MCTP2: variants seen among roughly 807,000 people sequenced by gnomAD.
MCTP2 encodes the protein multiple C2 and transmembrane domain-containing protein 2.
In MCTP2, 132 loss-of-function variants were observed where a neutral mutation model predicts 111.6. The observed-to-expected ratio is 1.18, with a 90% CI of 1.03 to 1.37. MCTP2 has a LOEUF of 1.37. Ranked by LOEUF, MCTP2 falls within the 40% of genes most tolerant of loss-of-function variation. The probability of loss-of-function intolerance (pLI) is 0.00; values close to 1 mark genes in which losing one functional copy is unlikely to be tolerated. For missense variants in MCTP2, 1,183 were observed against 1,067.9 expected, an observed-to-expected ratio of 1.11 and a Z score of -1.50; for synonymous variants, 395 against 387.7, an observed-to-expected ratio of 1.02 and a Z score of -0.22.
intron 12 of MCTP2, among the ~76,000 whole-genome samples, chr15:94,370,694 A>C (rs974709847): frequency 2.6e-5 from 4 of 152,116 alleles, no homozygotes; most frequent in Non-Finnish European, 5.9e-5. Context: ...CTGTAACTTG[A>C]ACTTTTAGAA....
intron 10 of MCTP2, among the ~76,000 whole-genome samples, chr15:94,361,293 C>T (rs62016129): frequency 0.22 from 33,459 of 151,686 alleles, 4,041 homozygotes; most frequent in East Asian, 0.31. Flanking sequence ...CATAATTGAA[C>T]ATTACAGTTA....
intron 1 of MCTP2, among the ~76,000 whole-genome samples, chr15:94,245,227 CAT>C (rs1229631302): frequency 1.6e-4 from 22 of 137,272 alleles, no homozygotes; most frequent in Non-Finnish European, 3.0e-4. Context: ...TGTATATATA[CAT>C]ATGTATGTAT....
intron 4 of MCTP2, among the ~76,000 whole-genome samples, chr15:94,330,834 A>G (rs144072869): frequency 8.4e-4 from 120 of 143,658 alleles, no homozygotes; most frequent in African/African-American, 3.2e-3. Context: ...TCCCAGGCTC[A>G]AGCAGTCCCC....
chr15:94,403,024 A>G, intron 17 of MCTP2: 1 of 997,612 alleles, frequency 1.0e-6, no homozygotes, highest in Non-Finnish European at 1.2e-6. Flanking sequence ...CCAAGAAGCC[A>G]ATGGGTTCAA....
intron 14 of MCTP2, among the ~76,000 whole-genome samples, chr15:94,396,499 T>C (rs1355555193): frequency 6.6e-6 from 1 of 152,152 alleles, no homozygotes; most frequent in Non-Finnish European, 1.5e-5. Context: ...TGCTCTCATG[T>C]AGGAGTTTGG....
intron 17 of MCTP2, among the ~76,000 whole-genome samples, chr15:94,421,423 C>G (rs1299524418): frequency 3.9e-5 from 6 of 152,176 alleles, no homozygotes; most frequent in Non-Finnish European, 7.3e-5. Flanking sequence ...CTTAAGATGA[C>G]ACAAATGTAT....
chr15:94,476,943 AG>A lies in MCTP2; in HGVS notation c.2568+151del, dbSNP rs538811246. The A allele has an allele frequency of 2.1e-3, 1,231 of 581,282 alleles. 1 individual carries two copies. Among genetic ancestry groups the A allele is most frequent in the Admixed American group, 3.9e-3 (127 of 32,324 alleles). The allele number at this position is 581,282 out of a possible 1,614,324, so 36.0% of individuals were successfully genotyped here. ...GAGGCCTGGCTTGCAGAGAAGTGGC[AG>A]AAAAATCTTTGTCCAAAGCATGAGG... On this transcript the variant is annotated intron_variant, in intron 22 of 22. Transcript: ENST00000357742.
chr15:94,407,279 A>T (rs1270617386), intron 17 of MCTP2, among the ~76,000 whole-genome samples: 1 of 152,224 alleles, frequency 6.6e-6, no homozygotes, highest in East Asian at 1.9e-4. Flanking sequence ...CAAAGTTCTG[A>T]TGCTTTTAAC....
At chr15:94,426,525 T>A (rs988381918) in intron 17 of MCTP2, among the ~76,000 whole-genome samples, 1 of 152,138 alleles carries the variant, frequency 6.6e-6, no homozygotes, top group Non-Finnish European at 1.5e-5. Context: ...GCTCTTCATT[T>A]TGTTTATGAA....
In MCTP2 at chr15:94,480,303, T is replaced by C. The variant is rs1290872045; in HGVS notation, c.*1269T>C. On this transcript the variant is annotated 3_prime_UTR_variant, in exon 23 of 23. Coordinates refer to ENST00000357742, the MANE Select transcript of MCTP2 (RefSeq NM_001385001.1). ...AAAAGTTAAGGTTAAAAAGATCTCA[T>C]TTAATAGTGAGTTCACTATTTTTTT... The C allele has an allele frequency of 6.6e-6, 1 of 152,010 alleles. No homozygotes were observed. Among genetic ancestry groups the C allele is most frequent in the African/African-American group, 2.4e-5 (1 of 41,314 alleles). The allele number at this position is 152,010 out of a possible 1,614,324, so 9.4% of individuals were successfully genotyped here.
At chr15:94,404,686 T>C (rs1039839923) in intron 17 of MCTP2, among the ~76,000 whole-genome samples, 1 of 151,942 alleles carries the variant, frequency 6.6e-6, no homozygotes, top group Non-Finnish European at 1.5e-5. Context: ...CCTTCATTTA[T>C]GTACCTTGCC....
chr15:94,373,700 A>G (rs976830946), intron 12 of MCTP2, among the ~76,000 whole-genome samples: 3 of 152,134 alleles, frequency 2.0e-5, no homozygotes, highest in Non-Finnish European at 2.9e-5. Context: ...GGTAAAAGCT[A>G]TTTTTTCTCA....
chr15:94,240,768 T>G (rs2070890376), intron 1 of MCTP2, among the ~76,000 whole-genome samples: 1 of 152,182 alleles, frequency 6.6e-6, no homozygotes, highest in African/African-American at 2.4e-5. Flanking sequence ...ACAGGATTGT[T>G]AGATTTGTGT....
intron 16 of MCTP2, among the ~76,000 whole-genome samples, 167 bp downstream of exon 16, chr15:94,400,162 C>G (rs1164574901): frequency 2.0e-5 from 3 of 152,084 alleles, no homozygotes; most frequent in Non-Finnish European, 4.4e-5. Context: ...CCCTTCTCTC[C>G]TAAAATAAGG....
intron 1 of MCTP2, among the ~76,000 whole-genome samples, chr15:94,267,865 C>CTTTATTTTTTTTTTT (rs2073638005): frequency 1.6e-4 from 3 of 18,286 alleles, no homozygotes; most frequent in South Asian, 2.0e-3. Flanking sequence ...CTTTCCTTTT[C>CTTTATTTTTTTTTTT]TTTCTTTTTT....
At chr15:94,398,148 A>C (rs2081374397) in intron 14 of MCTP2, among the ~76,000 whole-genome samples, 1 of 152,238 alleles carries the variant, frequency 6.6e-6, no homozygotes, top group Non-Finnish European at 1.5e-5. Flanking sequence ...AGAGGACAGC[A>C]GAGAAACTTG....
chr15:94,324,370 C>A (rs1236213729), intron 4 of MCTP2, among the ~76,000 whole-genome samples: 1 of 152,210 alleles, frequency 6.6e-6, no homozygotes, highest in African/African-American at 2.4e-5. Flanking sequence ...AGTAGTTTAC[C>A]ACTGTGGGCT....
intron 10 of MCTP2, among the ~76,000 whole-genome samples, chr15:94,366,015 CAAGA>C (rs2079163748): frequency 6.6e-6 from 1 of 152,066 alleles, no homozygotes; most frequent in African/African-American, 2.4e-5. Context: ...CAATATTGCT[CAAGA>C]ATTTGTGGGG....
chr15:94,453,218 C>T (rs1483368069), intron 19 of MCTP2, among the ~76,000 whole-genome samples: 3 of 152,190 alleles, frequency 2.0e-5, no homozygotes, highest in Non-Finnish European at 4.4e-5. Context: ...CCATGAGATG[C>T]ATGCACTGTG....
Sources: gnomAD v4.1 joint callset for allele counts (sites outside exome capture counted in the v4.1 genomes callset) on GRCh38, gnomAD v4.1.1 for gene constraint, MANE v1.5 for transcripts, NCBI Gene and HGNC (gene_info 2026-07-23, HGNC 2026-07-21) for gene names.